LTN1: variants seen among roughly 807,000 people sequenced by gnomAD.
The protein encoded by LTN1 is listerin E3 ubiquitin protein ligase 1.
A neutral mutation model predicts 201.2 loss-of-function variants in LTN1; 88 were observed. That is an observed-to-expected ratio of 0.44 (90% confidence interval 0.37 to 0.52). The LOEUF (loss-of-function observed/expected upper bound fraction) is 0.52. Among genes scored for constraint, LTN1 ranks in the 20% least tolerant of loss-of-function variants. The pLI is 0.00. For missense variants in LTN1, 1,752 were observed against 2,038.7 expected (o/e 0.86, Z 2.71); for synonymous variants, 645 against 713.5 (o/e 0.90, Z 1.53).
At position 28,981,007 on chromosome 21, in the gene LTN1, A is replaced by T. The variant is rs1056860754; in HGVS notation, c.810+112T>A. 1.0e-5 allele frequency: 6 copies of T among 572,662 alleles called. No individual in the cohort carries two copies. The African/African-American group carries it at 1.2e-4, about 11-fold the overall frequency. 35.5% of individuals were successfully genotyped at this position (572,662 alleles called of 1,614,324 possible). On this transcript the variant is annotated intron_variant, in intron 6 of 29. Coordinates refer to ENST00000361371, the MANE Select transcript of LTN1 (RefSeq NM_015565.3). ...TAATTCAGTAAATGAATAGCCTACCACACAGATGTGCTTGCAGAGTTCTAA... is the reference window on the plus strand; with the variant it reads ...TAATTCAGTAAATGAATAGCCTACCTCACAGATGTGCTTGCAGAGTTCTAA...
In LTN1 at chr21:28,959,505, G is replaced by C. The variant is rs1482633688; in HGVS notation, c.2546C>G (p.Thr849Ser). The C allele has an allele frequency of 1.2e-6, 2 of 1,613,852 alleles. No homozygotes were observed. Among genetic ancestry groups the C allele is most frequent in the African/African-American group, 1.3e-5 (1 of 74,912 alleles). Residue 849 changes from threonine to serine, a missense_variant, in exon 13 of 30, where the codon ACT (threonine) becomes AGT (serine). Coordinates refer to ENST00000361371, the MANE Select transcript of LTN1 (RefSeq NM_015565.3). ...LMPSSEDLLL[T>S]LFQLCAQSKE... Reference sequence around the variant, plus strand: ...GCTCTGAGCACATAACTGAAAGAGAGTTAATAATAAATCTTCAGATGATGG... The same window carrying C: ...GCTCTGAGCACATAACTGAAAGAGACTTAATAATAAATCTTCAGATGATGG...
chr21:28,947,263 G>GT (rs1179759382), intron 19 of LTN1, among the ~76,000 whole-genome samples: 1 of 152,136 alleles, frequency 6.6e-6, no homozygotes, highest in Non-Finnish European at 1.5e-5. Context: ...ATTTCTGGGC[G>GT]TAAGTCTTCC....
intron 9 of LTN1, among the ~76,000 whole-genome samples, chr21:28,968,345 CCA>C (rs2084543732): frequency 6.6e-6 from 1 of 150,528 alleles, no homozygotes; most frequent in South Asian, 2.1e-4. Context: ...TACCTAGGAC[CCA>C]CAGAGTGCGG....
At chr21:28,931,800 G>A (rs916778311) in intron 28 of LTN1, among the ~76,000 whole-genome samples, 2 of 152,078 alleles carry the variant, frequency 1.3e-5, no homozygotes, top group African/African-American at 4.8e-5. Flanking sequence ...TCAGGAGTTC[G>A]TTGACCACCA....
At chr21:28,959,971 C>CA in intron 12 of LTN1, 1 of 260,524 alleles carries the variant, frequency 3.8e-6, no homozygotes, top group Non-Finnish European at 7.2e-6. Context: ...ACTTTATGAG[C>CA]TAAAAAAAAA....
intron 26 of LTN1, 115 bp from the exon 27 acceptor site, chr21:28,935,444 G>A (rs2146257027): frequency 3.0e-6 from 2 of 668,478 alleles, no homozygotes; most frequent in Admixed American, 2.7e-5. Context: ...TAGTGCTATA[G>A]CTCATAAAAA....
At chr21:28,978,496 G>C (rs1220499881) in intron 6 of LTN1, among the ~76,000 whole-genome samples, 1 of 152,174 alleles carries the variant, frequency 6.6e-6, no homozygotes, top group Non-Finnish European at 1.5e-5. Context: ...TATTGATGAA[G>C]TGAAGATTTT....
Position 28,984,647 on chromosome 21 carries a change from A to T in LTN1, c.576+45T>A, listed in dbSNP as rs904850952. Reference sequence around the variant, plus strand: ...CTGTCATTATGCTTATAACCCTTAAATACTTAAAAAAAAAAAATAGATTCA... The same window carrying T: ...CTGTCATTATGCTTATAACCCTTAATTACTTAAAAAAAAAAAATAGATTCA... On this transcript the variant is annotated intron_variant, in intron 4 of 29. Transcript: ENST00000361371. 6.9e-6 allele frequency: 10 copies of T among 1,448,600 alleles called. No homozygotes were observed. The Admixed American group carries it at 8.8e-5, about 13-fold the overall frequency. The allele number at this position is 1,448,600 out of a possible 1,614,324, so 89.7% of individuals were successfully genotyped here.
At chr21:28,941,189 A>C (rs771226736) in intron 25 of LTN1, 31 bp downstream of exon 25, 2 of 1,525,986 alleles carry the variant, frequency 1.3e-6, no homozygotes, top group African/African-American at 2.7e-5. Context: ...ATTAGGACAG[A>C]ACTATCGAAA....
In LTN1 at chr21:28,986,088, C is replaced by A; in HGVS notation, c.345+51G>T. 9.3e-7 allele frequency: 1 copy of A among 1,077,872 alleles called. No individual in the cohort carries two copies. The highest frequency in any genetic ancestry group is 1.4e-6 in the Non-Finnish European group (1 of 702,422). 66.8% of individuals were successfully genotyped at this position (1,077,872 alleles called of 1,614,324 possible). A position where few individuals can be genotyped will look rare whatever the true frequency, so the allele number is the denominator to read the frequency against. On this transcript the variant is annotated intron_variant, in intron 3 of 29. Coordinates refer to ENST00000361371, the MANE Select transcript of LTN1 (RefSeq NM_015565.3). The surrounding 1 kb of genome is among the most constrained non-coding windows in gnomAD (Gnocchi z 4.1). ...TATAAATTTGAGAGTCTCCATGACT[C>A]CAACCAAAAAATATACAACAGAAAT...
chr21:28,936,470 T>A (rs2146258527), intron 26 of LTN1, 56 bp downstream of exon 26: 1 of 1,397,204 alleles, frequency 7.2e-7, no homozygotes, highest in Non-Finnish European at 9.6e-7. Flanking sequence ...AAAGTTTAAT[T>A]CAACCTAGTC....
chr21:28,953,142 G>C (rs2084396350), intron 17 of LTN1, 75 bp downstream of exon 17: 20 of 1,041,170 alleles, frequency 1.9e-5, no homozygotes, highest in Non-Finnish European at 5.5e-6. Context: ...ATGCAGTAGG[G>C]TTACCTCTTA....
At chr21:28,946,395 G>T in intron 19 of LTN1, 108 bp from the exon 20 acceptor site, 1 of 657,170 alleles carries the variant, frequency 1.5e-6, no homozygotes, top group Non-Finnish European at 2.4e-6. Context: ...AAGTGTTCAG[G>T]TTAAGAACTC....
chr21:28,953,277 G>A lies in LTN1; in HGVS notation c.3179C>T (p.Thr1060Met), dbSNP rs777774876. 1.0e-5 allele frequency: 16 copies of A among 1,605,058 alleles called. No individual in the cohort carries two copies. Among genetic ancestry groups the A allele is most frequent in the Middle Eastern group, 1.7e-4 (1 of 6,038 alleles). ...ACCAAGTACACGTAAGTTATCATAC[G>A]TAATATTCATTTTTTGAAGTATTTC... is the stretch of plus-strand genomic sequence containing the variant. ...FCEILQKMNI[T>M]YDNLRVLGNT... Residue 1060 changes from threonine to methionine, a missense_variant, in exon 17 of 30, where the codon ACG becomes ATG. By Grantham distance (81) the Thr-to-Met change is moderately conservative. Coordinates refer to ENST00000361371, the MANE Select transcript of LTN1 (RefSeq NM_015565.3).
chr21:28,977,529 C>A (rs2084625457), intron 6 of LTN1, among the ~76,000 whole-genome samples: 1 of 151,768 alleles, frequency 6.6e-6, no homozygotes, highest in African/African-American at 2.4e-5. Flanking sequence ...TTGAGACCAG[C>A]CTGCCCAACA....
chr21:28,980,608 TA>T (rs1035344312), intron 6 of LTN1, among the ~76,000 whole-genome samples: 1 of 151,740 alleles, frequency 6.6e-6, no homozygotes, highest in African/African-American at 2.4e-5. Flanking sequence ...TTATGTCAGT[TA>T]TCAACTGACA....
intron 18 of LTN1, 40 bp downstream of exon 18, chr21:28,952,120 A>T: frequency 8.1e-7 from 1 of 1,234,986 alleles, no homozygotes; most frequent in Non-Finnish European, 1.2e-6. Context: ...GTGACCGATT[A>T]CAGTAAACTA....
At chr21:28,980,344 T>C (rs1003302307) in intron 6 of LTN1, among the ~76,000 whole-genome samples, 5 of 130,522 alleles carry the variant, frequency 3.8e-5, no homozygotes, top group African/African-American at 1.5e-4. Flanking sequence ...ACAATAGCTA[T>C]GAAAAAAAGG....
At chr21:28,960,222 C>G (rs1007941379) in intron 12 of LTN1, among the ~76,000 whole-genome samples, 7 of 151,934 alleles carry the variant, frequency 4.6e-5, no homozygotes, top group Non-Finnish European at 8.8e-5. Flanking sequence ...TAAAATTTAG[C>G]CAGGCATGGT....
Sources: gnomAD v4.1 joint callset for allele counts (sites outside exome capture counted in the v4.1 genomes callset) on GRCh38, gnomAD v4.1.1 for gene constraint, Gnocchi (gnomAD v3.1) non-coding constraint, MANE v1.5 for transcripts, NCBI Gene and HGNC (gene_info 2026-07-23, HGNC 2026-07-21) for gene names.